CKAP5: variants seen among roughly 807,000 people sequenced by gnomAD.
CKAP5 encodes cytoskeleton associated protein 5.
CKAP5 carries 27 observed loss-of-function variants against 232.8 expected under a neutral mutation model. That is an observed-to-expected ratio of 0.12 (90% CI 0.09 to 0.16). The LOEUF is 0.16. CKAP5 is among the 10% of genes least tolerant of loss of function. The pLI is 1.00. For synonymous variants in CKAP5, 785 were observed against 841.1 expected (o/e 0.93, Z 1.16); for missense variants, 1,838 against 2,424.7 (o/e 0.76, Z 5.08).
At chr11:46,835,450 A>G (rs1030662060) in intron 1 of CKAP5, among the ~76,000 whole-genome samples, 26 of 152,176 alleles carry the variant, frequency 1.7e-4, no homozygotes, top group Admixed American at 1.5e-3. Context: ...GGAGCATATT[A>G]AAGTACCAGA....
chr11:46,782,279 T>A (rs2065350760), intron 18 of CKAP5, among the ~76,000 whole-genome samples: 3 of 152,184 alleles, frequency 2.0e-5, no homozygotes, highest in Admixed American at 2.0e-4. Flanking sequence ...ATTGGAACAT[T>A]GTAGTGGCCA....
chr11:46,825,962 C>T (rs993124092), intron 1 of CKAP5, among the ~76,000 whole-genome samples: 8 of 151,894 alleles, frequency 5.3e-5, no homozygotes, highest in Admixed American at 6.6e-5. Flanking sequence ...CAACACTTTC[C>T]CTCAAATTAA....
intron 31 of CKAP5, 94 bp from the exon 32 acceptor site, chr11:46,762,287 G>C: frequency 8.5e-5 from 106 of 1,241,010 alleles, no homozygotes; most frequent in Non-Finnish European, 1.1e-4. Context: ...ATATATGAAG[G>C]ACTAAAACCT....
chr11:46,825,085 T>C (rs1394527597), intron 1 of CKAP5, among the ~76,000 whole-genome samples: 2 of 152,222 alleles, frequency 1.3e-5, no homozygotes, highest in African/African-American at 2.4e-5. Context: ...AAATACCATA[T>C]AGTCCATGCT....
intron 6 of CKAP5, 76 bp from the exon 7 acceptor site, chr11:46,809,576 A>C: frequency 2.9e-6 from 4 of 1,356,802 alleles, no homozygotes; most frequent in Non-Finnish European, 4.2e-6. Context: ...TCCTTTCACA[A>C]CCCTGATGAA....
In CKAP5 at chr11:46,763,547, C is replaced by A; in HGVS notation, c.3621G>T (p.Trp1207Cys). The change falls in exon 29 of 44, where the codon TGG (tryptophan) becomes TGT (cysteine). Residue 1207 changes from tryptophan (W) to cysteine (C), a missense_variant. Trp to Cys is a radical substitution (Grantham distance 215). Transcript: ENST00000529230. ...CTGAGTGAAACATCTCATCTTGTAA[C>A]CATTTAGCCACACAGCTAGACATTT... is the stretch of plus-strand genomic sequence containing the variant. ...KTQMSSCVAK[W>C]LQDEMFHSDF... 1 of 1,605,304 alleles carries A rather than the reference C, an allele frequency of 6.2e-7. No individual in the cohort carries two copies. The highest frequency in any genetic ancestry group is 8.5e-7 in the Non-Finnish European group (1 of 1,176,716).
In CKAP5 at chr11:46,763,159, T is replaced by G; in HGVS notation, c.3708A>C (p.Glu1236Asp). The change falls in exon 30 of 44, where the codon GAA becomes GAC. Residue 1236 changes from glutamate (E) to aspartate (D), a missense_variant. This residue lies in a region of CKAP5 where 48 missense variants were observed against 98.1 expected (regional missense o/e 0.49). Transcript: ENST00000529230. ...TAAGATCCAGGCAACCAATAACTCC[T>G]TCTTTTTCACTCTCCAAGTGCTTAA... ...VMVDHLESEK[E>D]GVIGCLDLIL... 1 of 1,612,950 alleles carries G rather than the reference T, an allele frequency of 6.2e-7. No individual in the cohort carries two copies. The highest frequency in any genetic ancestry group is 1.1e-5 in the South Asian group (1 of 91,000).
rs1565718676 is a variant in CKAP5 at position 46,756,026 on chromosome 11, A to G, written c.4690-959T>C. Among the ~76,000 whole-genome samples the G allele has an allele frequency of 2.6e-5, 4 of 152,362 alleles. No homozygotes were observed. In the Middle Eastern group the frequency reaches 0.014, roughly 518 times the overall value. ...AGGGCTGATATTAAGATCTCCATTT[A>G]ACAGATGAAAAGTGAGGCTCAGAAA... On this transcript the variant is annotated intron_variant, in intron 35 of 43. Coordinates refer to ENST00000529230, the MANE Select transcript of CKAP5 (RefSeq NM_001008938.4).
intron 28 of CKAP5, among the ~76,000 whole-genome samples, chr11:46,764,122 G>A (rs1298860512): frequency 2.0e-5 from 3 of 151,886 alleles, no homozygotes; most frequent in Non-Finnish European, 4.4e-5. Context: ...ACAGGCATGA[G>A]CCACTGTGCC....
intron 4 of CKAP5, among the ~76,000 whole-genome samples, chr11:46,813,913 C>A (rs1939333545): frequency 6.6e-6 from 1 of 151,740 alleles, no homozygotes; most frequent in South Asian, 2.1e-4. Flanking sequence ...GGTGGGATCA[C>A]TTGATGCCAG....
In CKAP5 at chr11:46,801,255, C is replaced by A; in HGVS notation, c.1028G>T (p.Cys343Phe). 1 of 1,613,862 alleles carries A rather than the reference C, an allele frequency of 6.2e-7. No individual in the cohort carries two copies. The highest frequency in any genetic ancestry group is 8.5e-7 in the Non-Finnish European group (1 of 1,179,780). Residue 343 changes from cysteine (C) to phenylalanine (F), a missense_variant, in exon 9 of 44, where the codon TGT (cysteine) becomes TTT (phenylalanine). By Grantham distance (205) the Cys-to-Phe change is radical (BLOSUM62 -2). Around this residue, in one of 6 missense-constraint regions of CKAP5, gnomAD observed 97 missense variants for 167.7 expected, o/e 0.58. Transcript: ENST00000529230. ...TAGCCCAACAGCCAGGCCAGTAAGA[C>A]ATTTTGCTGCCAAAGCCACCAACAT... is the stretch of plus-strand genomic sequence containing the variant. ...NVMLVALAAK[C>F]LTGLAVGLRK...
At chr11:46,758,369 G>A (rs1005474661) in intron 35 of CKAP5, among the ~76,000 whole-genome samples, 1 of 151,822 alleles carries the variant, frequency 6.6e-6, no homozygotes, top group South Asian at 2.1e-4. Context: ...CTTCCTTTCC[G>A]TCATTACCCC....
intron 3 of CKAP5, among the ~76,000 whole-genome samples, chr11:46,817,210 G>A (rs1939423183): frequency 6.6e-6 from 1 of 152,078 alleles, no homozygotes; most frequent in Non-Finnish European, 1.5e-5. Flanking sequence ...AAACTCCTGG[G>A]CTCAAGCGAT....
At chr11:46,833,156 G>C (rs775158981) in intron 1 of CKAP5, among the ~76,000 whole-genome samples, 1 of 151,918 alleles carries the variant, frequency 6.6e-6, no homozygotes, top group African/African-American at 2.4e-5. Flanking sequence ...GGGGCAGCGG[G>C]GTTCAGGGAA....
At chr11:46,773,423 A>G (rs571079416) in intron 24 of CKAP5, among the ~76,000 whole-genome samples, 1 of 150,340 alleles carries the variant, frequency 6.7e-6, no homozygotes, top group African/African-American at 2.4e-5. Context: ...TAATTTTTCT[A>G]TTTTTGGTAG....
intron 8 of CKAP5, among the ~76,000 whole-genome samples, chr11:46,802,553 GACAGACAC>G (rs1460071544): frequency 7.7e-5 from 11 of 142,558 alleles, no homozygotes; most frequent in Middle Eastern, 3.5e-3. Flanking sequence ...CAGACAGACA[GACAGACAC>G]ACACACACAC....
At chr11:46,814,931 T>C (rs1408459775) in intron 4 of CKAP5, among the ~76,000 whole-genome samples, 2 of 152,228 alleles carry the variant, frequency 1.3e-5, no homozygotes, top group African/African-American at 4.8e-5. Context: ...TTCGAAAGTC[T>C]ATACTTAAGA....
In CKAP5 at chr11:46,744,423, T is replaced by TAC; in HGVS notation, c.5856+1_5856+2dup. On this transcript the variant is annotated splice_region_variant and intron_variant, in intron 43 of 43. Transcript: ENST00000529230. The stretch of plus-strand genomic sequence containing the variant: ...GAACTGCACAGAAGAAAAGGAGCAG[T>TAC]ACCTTTGTGTTGTCCAGACCACATC... 6.2e-7 allele frequency: 1 copy of TAC among 1,614,160 alleles called. No individual in the cohort carries two copies. The highest frequency in any genetic ancestry group is 8.5e-7 in the Non-Finnish European group (1 of 1,180,020).
At chr11:46,772,963 A>G (rs1244564511) in intron 24 of CKAP5, among the ~76,000 whole-genome samples, 1 of 152,048 alleles carries the variant, frequency 6.6e-6, no homozygotes, top group African/African-American at 2.4e-5. Context: ...GATGGTCTCG[A>G]TCTCTTGACC....
Sources: gnomAD v4.1 joint callset for allele counts (sites outside exome capture counted in the v4.1 genomes callset) on GRCh38, gnomAD v4.1.1 for gene constraint, gnomAD v4.1.1 regional missense constraint, MANE v1.5 for transcripts, NCBI Gene and HGNC (gene_info 2026-07-23, HGNC 2026-07-21) for gene names.